TRIO: variants seen among roughly 807,000 people sequenced by gnomAD.
The protein encoded by TRIO is trio Rho guanine nucleotide exchange factor.
TRIO carries 58 observed loss-of-function variants against 351.9 expected under a neutral mutation model. The observed-to-expected ratio is 0.16, with a 90% CI of 0.13 to 0.21. The LOEUF is 0.21. TRIO is among the 10% of genes least tolerant of loss of function. TRIO has a pLI of 1.00. For synonymous variants in TRIO, 1,758 were observed against 1,595.7 expected (o/e 1.10, Z -2.42); for missense variants, 3,201 against 4,027.8 (o/e 0.79, Z 5.56).
chr5:14,184,784 C>A (rs764990530), intron 1 of TRIO, among the ~76,000 whole-genome samples: 1 of 152,140 alleles, frequency 6.6e-6, no homozygotes, highest in Non-Finnish European at 1.5e-5. Context: ...AGCGTGGACG[C>A]CTCTTGGGTC....
intron 2 of TRIO, among the ~76,000 whole-genome samples, chr5:14,278,267 G>C (rs1333949382): frequency 6.6e-6 from 1 of 152,210 alleles, no homozygotes; most frequent in East Asian, 1.9e-4. Context: ...CAGAATGGCC[G>C]TGCGCATTGT....
chr5:14,211,040 A>G (rs1238458636), intron 1 of TRIO, among the ~76,000 whole-genome samples: 1 of 152,196 alleles, frequency 6.6e-6, no homozygotes, highest in African/African-American at 2.4e-5. Flanking sequence ...GCTGAGGTTT[A>G]CTGGAGACCA....
At chr5:14,502,547 A>G (rs1291222540) in intron 53 of TRIO, 32 bp from the exon 54 acceptor site, 1 of 1,612,758 alleles carries the variant, frequency 6.2e-7, no homozygotes, top group Non-Finnish European at 8.5e-7. Context: ...TCCACGGGAA[A>G]CAAGCTCAGG....
intron 1 of TRIO, among the ~76,000 whole-genome samples, chr5:14,165,716 G>A (rs1036542382): frequency 7.9e-5 from 12 of 152,112 alleles, no homozygotes; most frequent in African/African-American, 1.7e-4. Context: ...GTAGCCCTTC[G>A]CAGACAGAGC....
chr5:14,231,685 CA>C (rs1793439599), intron 1 of TRIO, among the ~76,000 whole-genome samples: 1 of 152,052 alleles, frequency 6.6e-6, no homozygotes, highest in Non-Finnish European at 1.5e-5. Flanking sequence ...ATAAAGTATG[CA>C]AGAATAAAAT....
intron 1 of TRIO, among the ~76,000 whole-genome samples, chr5:14,204,968 T>C (rs775531525): frequency 6.6e-6 from 1 of 152,112 alleles, no homozygotes; most frequent in Non-Finnish European, 1.5e-5. Flanking sequence ...TGTAGAAGTC[T>C]GGGATGCGTG....
rs531777571 is a variant in TRIO at position 14,279,589 on chromosome 5, G to A, written c.233-733G>A. ...TAAATGTGACAATTTTACCATAAGC[G>A]TTTAGTGATACCAAGCTGACTTCAT... On this transcript the variant is annotated intron_variant, in intron 2 of 56. Coordinates refer to ENST00000344204, the MANE Select transcript of TRIO (RefSeq NM_007118.4). 1.1e-4 allele frequency among the ~76,000 whole-genome samples: 16 copies of A among 152,276 alleles called. No homozygotes were observed. The East Asian group carries it at 1.2e-3, about 11-fold the overall frequency.
chr5:14,361,795 T>G (rs1446558130), intron 13 of TRIO, among the ~76,000 whole-genome samples: 2 of 152,200 alleles, frequency 1.3e-5, no homozygotes, highest in Non-Finnish European at 2.9e-5. Context: ...AAGAAGCTTT[T>G]CCTGCTTTTT....
chr5:14,256,525 C>G (rs951107835), intron 1 of TRIO, among the ~76,000 whole-genome samples: 6 of 152,142 alleles, frequency 3.9e-5, no homozygotes, highest in African/African-American at 1.4e-4. Flanking sequence ...GTTCTTAAAC[C>G]GGATAGTGGT....
chr5:14,149,268 G>C (rs150810847), intron 1 of TRIO, among the ~76,000 whole-genome samples: 3 of 152,318 alleles, frequency 2.0e-5, no homozygotes, highest in African/African-American at 7.2e-5. Flanking sequence ...TACCTGGCTA[G>C]ATTGTCCAGT....
rs1275500378 is a variant in TRIO, at chr5:14,159,638, G to A, written c.157+15756G>A. Among the ~76,000 whole-genome samples, 5 of 150,872 alleles carry A rather than the reference G, an allele frequency of 3.3e-5. No homozygotes were observed. In the East Asian group the frequency reaches 5.9e-4, roughly 18 times the overall value. On this transcript the variant is annotated intron_variant, in intron 1 of 56. Transcript: ENST00000344204. ...GGCTGGAGTGCAGTGGCACGACCTCGGCTCACTGCAACCTCCATCTCCTGA... is the reference window on the plus strand; with the variant it reads ...GGCTGGAGTGCAGTGGCACGACCTCAGCTCACTGCAACCTCCATCTCCTGA...
In TRIO at chr5:14,366,993, G is replaced by A. The variant is rs1245219601; in HGVS notation, c.2874+14G>A. 8 of 1,613,668 alleles carry A rather than the reference G, an allele frequency of 5.0e-6. No homozygotes were observed. Among genetic ancestry groups the A allele is most frequent in the South Asian group, 1.1e-5 (1 of 91,028 alleles). On this transcript the variant is annotated intron_variant, in intron 16 of 56. Coordinates refer to ENST00000344204, the MANE Select transcript of TRIO (RefSeq NM_007118.4). ...CATGCCATTGAGGTAAGGGCGCTGG[G>A]CCTGCCTGTGTGTTGGCTCTTTCAT...
rs1260190639 is a variant in TRIO at position 14,390,215 on chromosome 5, T to C, written c.4059-16T>C. On this transcript the variant is annotated splice_polypyrimidine_tract_variant and intron_variant, in intron 25 of 56. Transcript: ENST00000344204. ...AAAACACCTTTGTAATATGATACCA[T>C]TTTTATTCTTTGCAGCATATTCCTA... 3 of 1,611,556 alleles carry C rather than the reference T, an allele frequency of 1.9e-6. No homozygotes were observed. Among genetic ancestry groups the C allele is most frequent in the Non-Finnish European group, 1.7e-6 (2 of 1,178,878 alleles).
At chr5:14,188,518 T>G (rs1790262703) in intron 1 of TRIO, among the ~76,000 whole-genome samples, 1 of 152,254 alleles carries the variant, frequency 6.6e-6, no homozygotes, top group Admixed American at 6.5e-5. Flanking sequence ...TTTATATGAC[T>G]GATGAAATTA....
intron 31 of TRIO, among the ~76,000 whole-genome samples, chr5:14,405,127 G>A (rs972971237): frequency 5.9e-5 from 9 of 152,036 alleles, no homozygotes; most frequent in East Asian, 1.9e-4. Flanking sequence ...GATGTCGTGC[G>A]TGCTCAGTCT....
intron 1 of TRIO, among the ~76,000 whole-genome samples, chr5:14,156,498 T>C (rs1481205413): frequency 6.6e-6 from 1 of 152,194 alleles, no homozygotes; most frequent in East Asian, 1.9e-4. Flanking sequence ...TCTGCACCTC[T>C]TGGTGATAAA....
At chr5:14,484,203 A>G (rs1048016225) in intron 46 of TRIO, among the ~76,000 whole-genome samples, 3 of 152,146 alleles carry the variant, frequency 2.0e-5, no homozygotes, top group Admixed American at 2.0e-4. Context: ...TTTCGTATAT[A>G]TTTTTTACAT....
At chr5:14,394,344 C>T (rs1747376294) in intron 28 of TRIO, among the ~76,000 whole-genome samples, 2 of 152,194 alleles carry the variant, frequency 1.3e-5, no homozygotes, top group Admixed American at 1.3e-4. Context: ...ACTGCACTGA[C>T]TGACCCTAAA....
chr5:14,446,340 A>C, intron 34 of TRIO, among the ~76,000 whole-genome samples: 1 of 152,250 alleles, frequency 6.6e-6, no homozygotes, highest in South Asian at 2.1e-4. Context: ...CTCCAAAAGC[A>C]GTTGCTCCAG....
Sources: gnomAD v4.1 joint callset for allele counts (sites outside exome capture counted in the v4.1 genomes callset) on GRCh38, gnomAD v4.1.1 for gene constraint, MANE v1.5 for transcripts, NCBI Gene and HGNC (gene_info 2026-07-23, HGNC 2026-07-21) for gene names.